The following GLYATL2 variants were observed in gnomAD, a reference collection of about 807,000 sequenced individuals.
GLYATL2 encodes glycine N-acyltransferase-like protein 2.
GLYATL2 carries 25 observed loss-of-function variants against 21.4 expected under a neutral mutation model. The ratio of observed to expected loss-of-function variants is 1.17; its 90% confidence interval spans 0.85 to 1.63. The LOEUF is 1.63. GLYATL2 is among the 40% of genes most tolerant of loss of function. The probability of loss-of-function intolerance (pLI) is 0.00; values close to 1 mark genes in which losing one functional copy is unlikely to be tolerated. For synonymous variants in GLYATL2, 114 were observed against 118.2 expected (o/e 0.96, Z 0.23); for missense variants, 361 against 343.3 (o/e 1.05, Z -0.41).
chr11:58,890,459 G>T, intron 1 of GLYATL2, among the ~76,000 whole-genome samples: 1 of 151,896 alleles, frequency 6.6e-6, no homozygotes. Flanking sequence ...AAAAATACTT[G>T]GTACATATAT....
At chr11:58,851,166 C>T (rs1268957379) in intron 1 of GLYATL2, among the ~76,000 whole-genome samples, 7 of 152,104 alleles carry the variant, frequency 4.6e-5, no homozygotes, top group Admixed American at 6.5e-5. Flanking sequence ...GCCAGGCATT[C>T]GGGGCCACTA....
intron 1 of GLYATL2, among the ~76,000 whole-genome samples, chr11:58,873,250 C>T (rs981907676): frequency 6.6e-6 from 1 of 151,452 alleles, no homozygotes; most frequent in South Asian, 2.1e-4. Context: ...ATTTGACTTC[C>T]TCTTTTCCTA....
At chr11:58,874,450 A>T (rs1854188244) in intron 1 of GLYATL2, among the ~76,000 whole-genome samples, 1 of 152,144 alleles carries the variant, frequency 6.6e-6, no homozygotes, top group Non-Finnish European at 1.5e-5. Context: ...CCCTCTACAC[A>T]CTGCTTTGAA....
chr11:58,837,483 T>A lies in GLYATL2; in HGVS notation c.187-86A>T. 5.5e-6 allele frequency: 7 copies of A among 1,273,174 alleles called. No individual in the cohort carries two copies. The South Asian group carries it at 9.5e-5, about 17-fold the overall frequency. The allele number at this position is 1,273,174 out of a possible 1,614,324, so 78.9% of individuals were successfully genotyped here. Reference sequence around the variant, plus strand: ...TAGGTCTAGAGTGCTAGAGATTCAATTGTTTGAAATATTCTGTTTTTCTGA... The same window carrying A: ...TAGGTCTAGAGTGCTAGAGATTCAAATGTTTGAAATATTCTGTTTTTCTGA... On this transcript the variant is annotated intron_variant, in intron 3 of 5. Coordinates refer to ENST00000287275, the MANE Select transcript of GLYATL2 (RefSeq NM_145016.4).
At chr11:58,891,607 C>T (rs1854544880) in intron 1 of GLYATL2, among the ~76,000 whole-genome samples, 1 of 152,218 alleles carries the variant, frequency 6.6e-6, no homozygotes, top group African/African-American at 2.4e-5. Flanking sequence ...CCTTTCCCTC[C>T]ACCCTCTAGG....
Position 58,837,284 on chromosome 11 carries a change from AG to A in GLYATL2, c.299del (p.Thr100IlefsTer15), listed in dbSNP as rs1853452407. 6.2e-7 allele frequency: 1 copy of A among 1,613,732 alleles called. No individual in the cohort carries two copies. Among genetic ancestry groups the A allele is most frequent in the Admixed American group, 1.7e-5 (1 of 59,984 alleles). ...CAGACTAGTTACCTTGGATCTGCAA[AG>A]TTTGCTCCCAGCTGATTACATTGGA... The part of the protein sequence containing the change: ...SYSNVISWEQ[T>X]LQIQGCQEGL... On this transcript the variant is annotated frameshift_variant, in exon 4 of 6. Coordinates refer to ENST00000287275, the MANE Select transcript of GLYATL2 (RefSeq NM_145016.4). LOFTEE classifies it high-confidence loss of function.
At chr11:58,894,476 C>CTAAAA (rs5792135) in intron 1 of GLYATL2, among the ~76,000 whole-genome samples, 1 of 116,548 alleles carries the variant, frequency 8.6e-6, no homozygotes, top group Non-Finnish European at 1.7e-5. Context: ...GCAGCTATAG[C>CTAAAA]AAAAAAAAAA....
In GLYATL2 at chr11:58,834,243, A is replaced by T; in HGVS notation, c.*186T>A. On this transcript the variant is annotated 3_prime_UTR_variant, in exon 6 of 6. Coordinates refer to ENST00000287275, the MANE Select transcript of GLYATL2 (RefSeq NM_145016.4). ...ATAAAGGAAATTATGAGACCATAAA[A>T]TTGAGCTTCTAATTTTCTGTAAGAA... 2.3e-6 allele frequency: 1 copy of T among 443,992 alleles called. No individual in the cohort carries two copies. Among genetic ancestry groups the T allele is most frequent in the Non-Finnish European group, 3.9e-6 (1 of 256,996 alleles). The allele number at this position is 443,992 out of a possible 1,614,324, so 27.5% of individuals were successfully genotyped here.
In GLYATL2 at chr11:58,836,900, T is replaced by G. The variant is rs977067368; in HGVS notation, c.476+115A>C. On this transcript the variant is annotated intron_variant, in intron 5 of 5. Coordinates refer to ENST00000287275, the MANE Select transcript of GLYATL2 (RefSeq NM_145016.4). Reference sequence around the variant, plus strand: ...TAACATAACTCCCTTTCTTTACCCATGCAATTGTGTAGCCCATCATAATTT... The same window carrying G: ...TAACATAACTCCCTTTCTTTACCCAGGCAATTGTGTAGCCCATCATAATTT... The G allele has an allele frequency of 1.1e-5, 10 of 880,030 alleles. No homozygotes were observed. The African/African-American group carries it at 1.7e-4, about 15-fold the overall frequency. 54.5% of individuals were successfully genotyped at this position (880,030 alleles called of 1,614,324 possible).
At chr11:58,848,706 T>C (rs1461886409), upstream of GLYATL2, among the ~76,000 whole-genome samples, 2 of 152,158 alleles carry the variant, frequency 1.3e-5, no homozygotes, top group Admixed American at 6.5e-5. Context: ...CTACAGGTTA[T>C]AGAAAATAGC....
chr11:58,854,878 C>G (rs1853802081), intron 1 of GLYATL2, among the ~76,000 whole-genome samples: 1 of 152,182 alleles, frequency 6.6e-6, no homozygotes, highest in African/African-American at 2.4e-5. Context: ...AGGTCACTTT[C>G]TTTGCTCATC....
At chr11:58,843,383 C>A (rs1157784543) in intron 1 of GLYATL2, among the ~76,000 whole-genome samples, 2 of 152,016 alleles carry the variant, frequency 1.3e-5, no homozygotes, top group Non-Finnish European at 2.9e-5. Context: ...CTAGAATTAG[C>A]AAGGACTAGC....
rs1277800826 is a variant in GLYATL2, at chr11:58,837,088, G to A, written c.403C>T (p.Pro135Ser). The change falls in exon 5 of 6, where the codon CCG becomes TCG. Residue 135 changes from proline (P) to serine (S), a missense_variant. Physicochemically the swap from Pro to Ser is moderately conservative, Grantham distance 74 (BLOSUM62 -1). Coordinates refer to ENST00000287275, the MANE Select transcript of GLYATL2 (RefSeq NM_145016.4). ...VDYMKTILFI[P>S]ELPKKHKTSS... is the part of the protein sequence containing the mutation. The stretch of plus-strand genomic sequence containing the variant: ...GTCTTGTGTTTCTTTGGTAATTCCG[G>A]TATAAAGAGGATGGTTTTCATGTAA... The A allele has an allele frequency of 1.9e-6, 3 of 1,613,536 alleles. No individual in the cohort carries two copies. The highest frequency in any genetic ancestry group is 2.7e-5 in the African/African-American group (2 of 74,900).
intron 1 of GLYATL2, among the ~76,000 whole-genome samples, chr11:58,895,859 C>CA (rs1854625614): frequency 7.0e-6 from 1 of 143,524 alleles, no homozygotes; most frequent in Non-Finnish European, 1.5e-5. Context: ...GAGGTTTCCT[C>CA]TTTTTTTTTT....
At chr11:58,865,021 A>G (rs1755841010) in intron 1 of GLYATL2, among the ~76,000 whole-genome samples, 1 of 149,108 alleles carries the variant, frequency 6.7e-6, no homozygotes, top group Admixed American at 6.9e-5. Flanking sequence ...GAGGTGATGA[A>G]TATGTTTATG....
chr11:58,834,589 C>A lies in GLYATL2; in HGVS notation c.725G>T (p.Gly242Val), dbSNP rs866934052. 2.5e-6 allele frequency: 4 copies of A among 1,613,826 alleles called. No homozygotes were observed. The African/African-American group carries it at 4.0e-5, about 16-fold the overall frequency. The change falls in exon 6 of 6, where the codon GGT (glycine) becomes GTT (valine). Residue 242 changes from glycine to valine, a missense_variant. Transcript: ENST00000287275. ...AGAAAGATACTTTTCAAGATGATAA[C>A]CAATTTGCAACATGTTGCCTTGGTG... is the stretch of plus-strand genomic sequence containing the variant. ...YRHQGNMLQI[G>V]YHLEKYLSQK...
At position 58,834,366 on chromosome 11, in the gene GLYATL2, G is replaced by T. The variant is rs2134564725; in HGVS notation, c.*63C>A. 2 of 1,339,786 alleles carry T rather than the reference G, an allele frequency of 1.5e-6. No individual in the cohort carries two copies. The highest frequency in any genetic ancestry group is 2.0e-6 in the Non-Finnish European group (2 of 975,816). 83.0% of individuals were successfully genotyped at this position (1,339,786 alleles called of 1,614,324 possible). On this transcript the variant is annotated 3_prime_UTR_variant, in exon 6 of 6. Coordinates refer to ENST00000287275, the MANE Select transcript of GLYATL2 (RefSeq NM_145016.4). ...ATTTTGTGCTAATGTAGATCACAAT[G>T]CTTGTGTTTGAATTAATGTTTTTTT...
chr11:58,843,207 G>C (rs1383675974), intron 1 of GLYATL2, among the ~76,000 whole-genome samples: 2 of 152,160 alleles, frequency 1.3e-5, no homozygotes, highest in Non-Finnish European at 2.9e-5. Context: ...ATTTTTGAAT[G>C]TCTGTTTCCT....
intron 1 of GLYATL2, among the ~76,000 whole-genome samples, chr11:58,901,070 G>C (rs1283294754): frequency 6.6e-6 from 1 of 152,222 alleles, no homozygotes; most frequent in Non-Finnish European, 1.5e-5. Context: ...AGGTATTTAA[G>C]CGCTTGGCTT....
Sources: gnomAD v4.1 joint callset for allele counts (sites outside exome capture counted in the v4.1 genomes callset) on GRCh38, gnomAD v4.1.1 for gene constraint, MANE v1.5 for transcripts, NCBI Gene and HGNC (gene_info 2026-07-23, HGNC 2026-07-21) for gene names.